Variants in DRC11 observed in about 807,000 individuals in gnomAD.
DRC11 encodes the protein dynein regulatory complex subunit 11, also known as IQ and AAA domain-containing protein 1.
the DRC11 span, among the ~76,000 whole-genome samples, chr2:236,357,948 TATAA>T: frequency 1.7e-5 from 2 of 114,834 alleles, no homozygotes; most frequent in Admixed American, 1.0e-4. Context: ...ATATATAATA[TATAA>T]ATATATATAA....
the DRC11 span, among the ~76,000 whole-genome samples, chr2:236,379,367 G>A: frequency 3.0e-5 from 3 of 101,626 alleles, no homozygotes; most frequent in African/African-American, 1.2e-4. Context: ...GACCAAGGGA[G>A]AGGGGAGGGA....
chr2:236,319,656 A>T, the DRC11 span, among the ~76,000 whole-genome samples: 1 of 152,172 alleles, frequency 6.6e-6, no homozygotes, highest in African/African-American at 2.4e-5. The surrounding 1 kb of genome is among the most constrained non-coding windows in gnomAD (Gnocchi z 6.7). Context: ...TGAGAAACTC[A>T]CTTACTGAAT....
chr2:236,387,586 A>G, the DRC11 span, among the ~76,000 whole-genome samples: 1 of 152,148 alleles, frequency 6.6e-6, no homozygotes, highest in East Asian at 1.9e-4. Flanking sequence ...TCCTGAATAC[A>G]GCACACTGAT....
the DRC11 span, among the ~76,000 whole-genome samples, chr2:236,495,927 G>T: frequency 6.6e-6 from 1 of 152,204 alleles, no homozygotes; most frequent in East Asian, 1.9e-4. The surrounding 1 kb of genome is among the most constrained non-coding windows in gnomAD (Gnocchi z 5.6). Flanking sequence ...TGTCCCTGGA[G>T]CAGAGGGGCC....
chr2:236,358,306 TATAG>T, the DRC11 span, among the ~76,000 whole-genome samples: 15 of 132,020 alleles, frequency 1.1e-4, no homozygotes, highest in Non-Finnish European at 1.7e-4. Flanking sequence ...ATATATAATA[TATAG>T]ATATATACTA....
At chr2:236,446,533 T>C in the DRC11 span, among the ~76,000 whole-genome samples, 1 of 152,212 alleles carries the variant, frequency 6.6e-6, no homozygotes, top group Non-Finnish European at 1.5e-5. The surrounding 1 kb of genome is among the most constrained non-coding windows in gnomAD (Gnocchi z 6.2). Flanking sequence ...AGCCGCCCTC[T>C]TGCCCTAATG....
chr2:236,344,736 G>A, the DRC11 span: 4 of 861,820 alleles, frequency 4.6e-6, no homozygotes, highest in Non-Finnish European at 7.4e-6. Flanking sequence ...TCTGGGGTGT[G>A]CAGAGCCCTG....
chr2:236,415,045 G>A, the DRC11 span, among the ~76,000 whole-genome samples: 1 of 151,990 alleles, frequency 6.6e-6, no homozygotes, highest in African/African-American at 2.4e-5. The surrounding 1 kb of genome is among the most constrained non-coding windows in gnomAD (Gnocchi z 5.7). Flanking sequence ...AATTTGTAAC[G>A]ATCTCATGGA....
At chr2:236,407,796 G>C in the DRC11 span, 1 of 262,300 alleles carries the variant, frequency 3.8e-6, no homozygotes, top group Non-Finnish European at 7.6e-6. Context: ...TTTTTCAGTG[G>C]AAAATAACTT....
the DRC11 span, among the ~76,000 whole-genome samples, chr2:236,424,322 C>A: frequency 6.6e-6 from 1 of 152,012 alleles, no homozygotes; most frequent in Non-Finnish European, 1.5e-5. Context: ...ATCAGTTAAG[C>A]CTTTTAAAGT....
the DRC11 span, among the ~76,000 whole-genome samples, chr2:236,422,103 C>T: frequency 6.6e-6 from 1 of 152,166 alleles, no homozygotes; most frequent in Non-Finnish European, 1.5e-5. Flanking sequence ...CAATATCATA[C>T]TGAATGAGCA....
At chr2:236,408,265 C>T in the DRC11 span, 4 of 857,482 alleles carry the variant, frequency 4.7e-6, no homozygotes, top group Non-Finnish European at 8.1e-6. This position sits in a 1 kb window ranked among gnomAD's most constrained non-coding sequence, Gnocchi z 5.5. Context: ...GCCTTTCTGC[C>T]CAGCACGTGC....
At chr2:236,459,586 T>TACGTATACGTATAC in the DRC11 span, among the ~76,000 whole-genome samples, 2 of 145,686 alleles carry the variant, frequency 1.4e-5, no homozygotes, top group African/African-American at 2.5e-5. Flanking sequence ...CATACGTATA[T>TACGTATACGTATAC]ACGTATACGT....
the DRC11 span, chr2:236,465,445 T>A: frequency 7.0e-7 from 1 of 1,427,366 alleles, no homozygotes. This position sits in a 1 kb window ranked among gnomAD's most constrained non-coding sequence, Gnocchi z 6.2. Context: ...CTTAAAAACA[T>A]ACAATAACCT....
At chr2:236,373,409 C>T in the DRC11 span, among the ~76,000 whole-genome samples, 1 of 152,080 alleles carries the variant, frequency 6.6e-6, no homozygotes, top group African/African-American at 2.4e-5. Context: ...TGCCATCACA[C>T]CTGGCTAACT....
the DRC11 span, chr2:236,380,695 T>G: frequency 8.6e-6 from 11 of 1,275,268 alleles, no homozygotes; most frequent in Non-Finnish European, 1.2e-5. The surrounding 1 kb of genome is among the most constrained non-coding windows in gnomAD (Gnocchi z 4.9). Context: ...AAATAAGTCC[T>G]AGAAATTAGC....
chr2:236,478,031 G>GTGTGTGTGTGTGTGTGTT, the DRC11 span, among the ~76,000 whole-genome samples: 1 of 148,112 alleles, frequency 6.8e-6, no homozygotes, highest in East Asian at 1.9e-4. This position sits in a 1 kb window ranked among gnomAD's most constrained non-coding sequence, Gnocchi z 5.9. Flanking sequence ...GTGTGTGTGT[G>GTGTGTGTGTGTGTGTGTT]TTTTAGTCTC....
chr2:236,366,645 A>AAAGC, the DRC11 span, among the ~76,000 whole-genome samples: 1 of 152,158 alleles, frequency 6.6e-6, no homozygotes, highest in Non-Finnish European at 1.5e-5. Context: ...TGGTGTGTTC[A>AAAGC]AAGCCAGCTT....
At chr2:236,489,906 C>T in the DRC11 span, among the ~76,000 whole-genome samples, 1 of 152,044 alleles carries the variant, frequency 6.6e-6, no homozygotes, top group African/African-American at 2.4e-5. Context: ...GCTTGGGCAA[C>T]AGAGTGAGAT....
Sources: gnomAD v4.1 joint callset for allele counts (sites outside exome capture counted in the v4.1 genomes callset) on GRCh38, gnomAD v4.1.1 for gene constraint, Gnocchi (gnomAD v3.1) non-coding constraint, MANE v1.5 for transcripts, NCBI Gene and HGNC (gene_info 2026-07-23, HGNC 2026-07-21) for gene names.